Variants in BTG4 observed in about 807,000 individuals in gnomAD.
BTG4 encodes BTG anti-proliferation factor 4, also known as protein BTG4.
A neutral mutation model predicts 19.3 loss-of-function variants in BTG4; 10 were observed. The observed-to-expected ratio is 0.52, with a 90% CI of 0.32 to 0.88. The LOEUF is 0.88. BTG4 is among the 40% of genes least tolerant of loss of function. The pLI is 0.04. For missense variants in BTG4, 238 were observed against 281.9 expected (o/e 0.84, Z 1.11); for synonymous variants, 91 against 95.7 (o/e 0.95, Z 0.29).
At chr11:111,443,602 A>G in the BTG4 span, among the ~76,000 whole-genome samples, 7 of 152,218 alleles carry the variant, frequency 4.6e-5, no homozygotes, top group Non-Finnish European at 8.8e-5. Flanking sequence ...GAAAAAAAAG[A>G]GAGACAAAAG....
At chr11:111,435,664 C>T in the BTG4 span, among the ~76,000 whole-genome samples, 3 of 152,214 alleles carry the variant, frequency 2.0e-5, no homozygotes, top group Non-Finnish European at 2.9e-5. Flanking sequence ...CTGCCACTCA[C>T]TGTGGATTCT....
chr11:111,420,968 C>T, the BTG4 span, among the ~76,000 whole-genome samples: 2 of 152,148 alleles, frequency 1.3e-5, no homozygotes, highest in African/African-American at 4.8e-5. Flanking sequence ...GAAAGGGACA[C>T]CTAGGCTAGT....
intron 4 of BTG4, chr11:111,496,998 T>TA: frequency 7.0e-6 from 3 of 429,928 alleles, no homozygotes; most frequent in Non-Finnish European, 1.2e-5. Flanking sequence ...AATAAAAGAT[T>TA]ATGTGGATCC....
chr11:111,410,735 T>A, the BTG4 span, among the ~76,000 whole-genome samples: 1 of 152,200 alleles, frequency 6.6e-6, no homozygotes, highest in Admixed American at 6.5e-5. Flanking sequence ...TATAAGCAAA[T>A]GCATCCTCAA....
chr11:111,441,088 G>T, the BTG4 span, among the ~76,000 whole-genome samples: 2 of 151,284 alleles, frequency 1.3e-5, no homozygotes, highest in African/African-American at 4.9e-5. Context: ...AGGTCACACA[G>T]GCCAGGGCCA....
At chr11:111,490,069 T>G (rs867379425), downstream of BTG4, among the ~76,000 whole-genome samples, 3 of 150,008 alleles carry the variant, frequency 2.0e-5, no homozygotes, top group Non-Finnish European at 3.0e-5. Context: ...GCCAGGAGTT[T>G]GAGACCAGCC....
At chr11:111,497,880 G>C (rs1289423815) in intron 3 of BTG4, 118 bp downstream of exon 3, 6 of 1,111,092 alleles carry the variant, frequency 5.4e-6, no homozygotes, top group Non-Finnish European at 7.6e-6. Flanking sequence ...TCTTAACCAA[G>C]AAGTATCCCT....
the BTG4 span, among the ~76,000 whole-genome samples, chr11:111,457,611 G>A: frequency 6.6e-6 from 1 of 151,828 alleles, no homozygotes; most frequent in Non-Finnish European, 1.5e-5. Flanking sequence ...TGCCCCTGGG[G>A]AGGGGAAGAG....
intron 4 of BTG4, 26 bp from the exon 5 acceptor site, chr11:111,495,340 C>T (rs767281962): frequency 8.2e-6 from 13 of 1,583,684 alleles, no homozygotes; most frequent in Non-Finnish European, 1.1e-5. Context: ...ATAAAGATCT[C>T]TAATAAGCTA....
intron 3 of BTG4, 27 bp downstream of exon 3, chr11:111,497,971 C>T (rs1865840562): frequency 2.5e-6 from 4 of 1,606,470 alleles, no homozygotes; most frequent in Non-Finnish European, 3.4e-6. Flanking sequence ...AGGTATCACA[C>T]AGCACACAAA....
chr11:111,436,769 C>G, the BTG4 span, among the ~76,000 whole-genome samples: 1 of 152,258 alleles, frequency 6.6e-6, no homozygotes, highest in African/African-American at 2.4e-5. Flanking sequence ...GCAGGTGCCC[C>G]TTCACCTTCC....
the BTG4 span, among the ~76,000 whole-genome samples, chr11:111,394,735 C>A: frequency 6.6e-6 from 1 of 152,170 alleles, no homozygotes; most frequent in African/African-American, 2.4e-5. Context: ...CACTTGTGCC[C>A]AGCCCTGTGC....
chr11:111,472,401 C>G (rs1047130670), intron 5 of BTG4, among the ~76,000 whole-genome samples: 1 of 152,194 alleles, frequency 6.6e-6, no homozygotes, highest in Non-Finnish European at 1.5e-5. Flanking sequence ...GGATATTTGG[C>G]AATACCTGGA....
At chr11:111,423,760 G>T in the BTG4 span, among the ~76,000 whole-genome samples, 1 of 152,170 alleles carries the variant, frequency 6.6e-6, no homozygotes, top group African/African-American at 2.4e-5. Context: ...GGAAATTAAG[G>T]CATAGAAAGA....
the BTG4 span, among the ~76,000 whole-genome samples, chr11:111,401,679 T>C: frequency 6.6e-6 from 1 of 152,196 alleles, no homozygotes; most frequent in Admixed American, 6.5e-5. Flanking sequence ...GCATGACTCT[T>C]TGGATGTAAG....
chr11:111,446,185 T>C, the BTG4 span, among the ~76,000 whole-genome samples: 3 of 152,218 alleles, frequency 2.0e-5, no homozygotes, highest in Non-Finnish European at 4.4e-5. Context: ...ATGTATGTGA[T>C]TGGTATGGAG....
chr11:111,467,066 G>A (rs1275569455), downstream of BTG4, among the ~76,000 whole-genome samples: 1 of 152,206 alleles, frequency 6.6e-6, no homozygotes, highest in Admixed American at 6.5e-5. Context: ...CCAATCCAAA[G>A]TCTAATCTCT....
intron 1 of BTG4, among the ~76,000 whole-genome samples, chr11:111,506,677 A>ATTTTCTTATAATAT (rs1866474538): frequency 1.3e-5 from 2 of 152,184 alleles, no homozygotes; most frequent in South Asian, 4.1e-4. Context: ...TCCTATGTGC[A>ATTTTCTTATAATAT]ACACTCTATA....
intron 5 of BTG4, among the ~76,000 whole-genome samples, chr11:111,468,313 G>A (rs185136715): frequency 2.6e-5 from 4 of 152,326 alleles, no homozygotes; most frequent in African/African-American, 7.2e-5. Flanking sequence ...TGCAAGTGCC[G>A]TGTGCCAGGA....
Sources: gnomAD v4.1 joint callset for allele counts (sites outside exome capture counted in the v4.1 genomes callset) on GRCh38, gnomAD v4.1.1 for gene constraint, MANE v1.5 for transcripts, NCBI Gene and HGNC (gene_info 2026-07-23, HGNC 2026-07-21) for gene names.